Variants in PREX2 observed in about 807,000 individuals in gnomAD.
PREX2 encodes the protein phosphatidylinositol 3,4,5-trisphosphate-dependent Rac exchanger 2 protein.
A neutral mutation model predicts 203.2 loss-of-function variants in PREX2; 107 were observed. The ratio of observed to expected loss-of-function variants is 0.53; its 90% CI spans 0.45 to 0.62. The LOEUF is 0.62. Among genes scored for constraint, PREX2 ranks in the 20% least tolerant of loss-of-function variants. The pLI, the probability that PREX2 is intolerant of heterozygous loss-of-function variation, is 0.00. For missense variants in PREX2, 1,777 were observed against 1,955.9 expected, an observed-to-expected ratio of 0.91 and a Z score of 1.72; for synonymous variants, 672 against 663.6, an observed-to-expected ratio of 1.01 and a Z score of -0.19.
chr8:68,119,948 G>A (rs1045192317), intron 28 of PREX2, among the ~76,000 whole-genome samples: 4 of 151,998 alleles, frequency 2.6e-5, no homozygotes, highest in African/African-American at 9.7e-5. Context: ...CTTTGAAAAG[G>A]ATTCCAATAA....
At chr8:68,113,721 C>A (rs1443845627) in intron 25 of PREX2, among the ~76,000 whole-genome samples, 1 of 152,194 alleles carries the variant, frequency 6.6e-6, no homozygotes, top group Non-Finnish European at 1.5e-5. Context: ...TTCACGCTTC[C>A]TTCCCTGCTT....
intron 8 of PREX2, among the ~76,000 whole-genome samples, chr8:68,051,842 A>C (rs1808535202): frequency 6.6e-6 from 1 of 152,132 alleles, no homozygotes; most frequent in African/African-American, 2.4e-5. Flanking sequence ...GGATTATGGC[A>C]CCTATATAAA....
rs746201622 is a variant in PREX2, at chr8:68,038,178, C to A, written c.725C>A (p.Thr242Asn). Residue 242 changes from threonine (T) to asparagine (N), a missense_variant, in exon 7 of 40, where the codon ACC becomes AAC. Physicochemically the swap from Thr to Asn is moderately conservative, Grantham distance 65. Transcript: ENST00000288368. ...EGWEGSNITD[T>N]CTEMLMCGVL... The stretch of plus-strand genomic sequence containing the variant: ...ACTTAGGGGTCCAACATCACTGACA[C>A]CTGCACTGAAATGCTAATGTGTGGA... 2 of 1,613,714 alleles carry A rather than the reference C, an allele frequency of 1.2e-6. No individual in the cohort carries two copies. The highest frequency in any genetic ancestry group is 1.7e-6 in the Non-Finnish European group (2 of 1,179,700).
chr8:68,063,377 A>G (rs1272021014), intron 11 of PREX2, among the ~76,000 whole-genome samples: 1 of 152,160 alleles, frequency 6.6e-6, no homozygotes, highest in Admixed American at 6.6e-5. Context: ...ACATGTACAC[A>G]AAAGTGGTGC....
At chr8:68,176,181 G>A (rs78143593) in intron 35 of PREX2, among the ~76,000 whole-genome samples, 1,732 of 152,244 alleles carry the variant, frequency 0.011, 35 homozygotes, top group African/African-American at 0.04. Context: ...AAAATTAGAT[G>A]CATTCAGAAA....
rs71253066 is a variant in PREX2, at chr8:68,164,350, T to TTA, written c.4346+6929_4346+6930dup. 3.8e-3 allele frequency among the ~76,000 whole-genome samples: 433 copies of TTA among 112,778 alleles called. 2 individuals carry two copies. The highest frequency in any genetic ancestry group is 5.9e-3 in the African/African-American group (192 of 32,640). 74.0% of individuals were successfully genotyped at this position (112,778 alleles called of 152,430 possible). A position where few individuals can be genotyped will look rare whatever the true frequency, so the allele number is the denominator to read the frequency against. On this transcript the variant is annotated intron_variant, in intron 35 of 39. Coordinates refer to ENST00000288368, the MANE Select transcript of PREX2 (RefSeq NM_024870.4). ...AAAAGCAGAAAGGCCTTAATATGTA[T>TTA]TATATATATATATATACACACACAC...
Position 68,228,984 on chromosome 8 carries a change from T to C in PREX2, c.4776-2349T>C, listed in dbSNP as rs1813114970. On this transcript the variant is annotated intron_variant, in intron 39 of 39. Coordinates refer to ENST00000288368, the MANE Select transcript of PREX2 (RefSeq NM_024870.4). ...AAAAAAAAAGAAAGAAAAAAATGGC[T>C]ATGTGACCTTATTTAGTCAGGAGTT... Among the ~76,000 whole-genome samples the C allele has an allele frequency of 3.5e-5, 3 of 85,124 alleles. No individual in the cohort carries two copies. In the South Asian group the frequency reaches 1.6e-3, roughly 46 times the overall value. The allele number at this position is 85,124 out of a possible 152,430, so 55.8% of individuals were successfully genotyped here.
chr8:68,040,716 C>T (rs565554236), intron 7 of PREX2, among the ~76,000 whole-genome samples: 1 of 152,092 alleles, frequency 6.6e-6, no homozygotes, highest in Non-Finnish European at 1.5e-5. Context: ...TTACTTCCTG[C>T]CACCTTTACT....
At chr8:68,054,998 C>T (rs976716327) in intron 9 of PREX2, among the ~76,000 whole-genome samples, 3 of 152,252 alleles carry the variant, frequency 2.0e-5, no homozygotes, top group Non-Finnish European at 4.4e-5. Context: ...CCTCTTTGCC[C>T]TATGGCCCTA....
intron 24 of PREX2, among the ~76,000 whole-genome samples, chr8:68,108,547 A>T (rs893826876): frequency 6.6e-6 from 1 of 152,208 alleles, no homozygotes; most frequent in Non-Finnish European, 1.5e-5. Flanking sequence ...TCTTCTAAGA[A>T]GGATGATTGC....
intron 1 of PREX2, among the ~76,000 whole-genome samples, chr8:67,998,085 A>G (rs1327976813): frequency 2.6e-5 from 4 of 152,152 alleles, no homozygotes; most frequent in Admixed American, 2.0e-4. Context: ...TCTTTTTTAT[A>G]TTTTATAGCC....
chr8:68,027,600 A>G (rs1040763277), intron 5 of PREX2, among the ~76,000 whole-genome samples: 28 of 152,092 alleles, frequency 1.8e-4, no homozygotes, highest in African/African-American at 6.3e-4. Flanking sequence ...GATAGATCCC[A>G]TTAAGTTCAT....
intron 21 of PREX2, among the ~76,000 whole-genome samples, chr8:68,096,497 A>G (rs1025000400): frequency 2.6e-5 from 4 of 152,192 alleles, no homozygotes. Context: ...ATTATAGTGA[A>G]CAATGAGAAA....
rs74408147 is a variant in PREX2 at position 68,183,675 on chromosome 8, G to T, written c.4347-8047G>T. 5.8e-4 allele frequency among the ~76,000 whole-genome samples: 89 copies of T among 152,188 alleles called. 2 individuals are homozygous for T. In the East Asian group the frequency reaches 0.015, roughly 26 times the overall value. On this transcript the variant is annotated intron_variant, in intron 35 of 39. Transcript: ENST00000288368. ...TCAAAGTGGAGTGACGGAGCATTTG[G>T]AAAGCAGAGAATAGGATTTCAACCT...
At chr8:68,050,540 C>T (rs1347476814) in intron 8 of PREX2, among the ~76,000 whole-genome samples, 2 of 152,190 alleles carry the variant, frequency 1.3e-5, no homozygotes, top group East Asian at 3.9e-4. Flanking sequence ...CCACCAGGCT[C>T]CACCTCCAAC....
intron 39 of PREX2, among the ~76,000 whole-genome samples, chr8:68,225,382 T>C (rs1813038876): frequency 6.6e-6 from 1 of 152,212 alleles, no homozygotes; most frequent in Admixed American, 6.5e-5. Flanking sequence ...AGAGAAATGC[T>C]CTGGTTTTGA....
At chr8:68,047,463 A>G (rs1264278343) in intron 8 of PREX2, among the ~76,000 whole-genome samples, 1 of 100,686 alleles carries the variant, frequency 9.9e-6, no homozygotes, top group Non-Finnish European at 2.0e-5. Context: ...AATAAAATGG[A>G]TGAATTTATA....
intron 1 of PREX2, among the ~76,000 whole-genome samples, chr8:67,981,988 A>G (rs994935988): frequency 3.9e-5 from 6 of 152,154 alleles, no homozygotes; most frequent in African/African-American, 1.4e-4. Context: ...ATCACAACAG[A>G]CTTGGATAGT....
intron 1 of PREX2, among the ~76,000 whole-genome samples, chr8:67,999,711 C>T (rs1806883623): frequency 6.6e-6 from 1 of 152,058 alleles, no homozygotes. Flanking sequence ...TGCAAAAATC[C>T]TCAACAAAAT....
Sources: allele counts gnomAD v4.1 joint callset (sites outside exome capture counted in the v4.1 genomes callset), GRCh38; gene constraint gnomAD v4.1.1; transcripts MANE v1.5; gene names NCBI Gene and HGNC (gene_info 2026-07-23, HGNC 2026-07-21).